The following NOX4 variants were observed in gnomAD, a reference collection of about 807,000 sequenced individuals.
NOX4 encodes the protein kidney oxidase-1.
NOX4 carries 69 observed loss-of-function variants against 87.6 expected under a neutral mutation model. The ratio of observed to expected loss-of-function variants is 0.79; its 90% CI spans 0.65 to 0.96. NOX4 has a LOEUF of 0.96. NOX4 is among the 40% of genes least tolerant of loss of function. The probability of loss-of-function intolerance (pLI) is 0.00; values close to 1 mark genes in which losing one functional copy is unlikely to be tolerated. For missense variants in NOX4, 680 were observed against 681.5 expected, an observed-to-expected ratio of 1.00 and a Z score of 0.02; for synonymous variants, 275 against 238.2, an observed-to-expected ratio of 1.15 and a Z score of -1.42.
the NOX4 span, among the ~76,000 whole-genome samples, chr11:89,562,059 G>C: frequency 6.6e-6 from 1 of 152,140 alleles, no homozygotes; most frequent in African/African-American, 2.4e-5. Context: ...AAGTGTTACT[G>C]AGATCAGAGT....
chr11:89,575,822 T>C, the NOX4 span, among the ~76,000 whole-genome samples: 2 of 152,202 alleles, frequency 1.3e-5, no homozygotes, highest in African/African-American at 2.4e-5. Context: ...TTAATAACTT[T>C]AAGCATTACA....
chr11:89,363,734 A>C (rs1413921689), intron 12 of NOX4, among the ~76,000 whole-genome samples: 4 of 152,266 alleles, frequency 2.6e-5, no homozygotes, highest in African/African-American at 9.6e-5. Flanking sequence ...CCAACTAGAA[A>C]GATATGGAGC....
the NOX4 span, among the ~76,000 whole-genome samples, chr11:89,568,103 T>G: frequency 6.6e-6 from 1 of 152,050 alleles, no homozygotes; most frequent in Non-Finnish European, 1.5e-5. Context: ...CACCACACCT[T>G]ATGGATAGAG....
At chr11:89,439,235 A>C (rs1944353463) in intron 6 of NOX4, among the ~76,000 whole-genome samples, 1 of 151,238 alleles carries the variant, frequency 6.6e-6, no homozygotes, top group Non-Finnish European at 1.5e-5. Context: ...CTCTTAAATG[A>C]ATTCACTGTA....
chr11:89,373,294 A>AAC, intron 12 of NOX4, 138 bp downstream of exon 12: 1 of 494,842 alleles, frequency 2.0e-6, no homozygotes, highest in Non-Finnish European at 3.6e-6. Flanking sequence ...AAAAAAAAAA[A>AAC]AAAACAAAAA....
chr11:89,544,394 A>G, the NOX4 span, among the ~76,000 whole-genome samples: 14 of 152,138 alleles, frequency 9.2e-5, no homozygotes, highest in Non-Finnish European at 1.9e-4. Context: ...CTGCTCCACA[A>G]TAGAATTAAA....
At chr11:89,349,236 G>A (rs192966374) in intron 13 of NOX4, among the ~76,000 whole-genome samples, 3 of 152,028 alleles carry the variant, frequency 2.0e-5, no homozygotes, top group South Asian at 2.1e-4. Flanking sequence ...GCAGTGAGCC[G>A]AAATTGCACC....
At chr11:89,394,396 G>A (rs1941334564) in intron 11 of NOX4, among the ~76,000 whole-genome samples, 1 of 151,894 alleles carries the variant, frequency 6.6e-6, no homozygotes, top group South Asian at 2.1e-4. Context: ...TTGACACTCA[G>A]CAACTGATTT....
the NOX4 span, among the ~76,000 whole-genome samples, chr11:89,579,327 G>A: frequency 8.5e-4 from 129 of 152,278 alleles, no homozygotes; most frequent in Admixed American, 1.9e-3. Context: ...TGGTGTGTCT[G>A]TGTATGTTCA....
intron 12 of NOX4, among the ~76,000 whole-genome samples, chr11:89,371,563 T>C (rs1939447258): frequency 6.6e-6 from 1 of 151,992 alleles, no homozygotes; most frequent in Non-Finnish European, 1.5e-5. Context: ...TTTCATTGCA[T>C]GTTTTCTTTC....
At chr11:89,564,777 T>C in the NOX4 span, among the ~76,000 whole-genome samples, 3 of 150,610 alleles carry the variant, frequency 2.0e-5, no homozygotes, top group Non-Finnish European at 4.4e-5. Context: ...TAGTTTCCCA[T>C]CCCAATGTGC....
the NOX4 span, among the ~76,000 whole-genome samples, chr11:89,545,934 C>A: frequency 2.0e-5 from 3 of 152,132 alleles, no homozygotes; most frequent in South Asian, 6.2e-4. Flanking sequence ...CATTGTATGA[C>A]TTATGGCACA....
At chr11:89,570,461 A>G in the NOX4 span, among the ~76,000 whole-genome samples, 1 of 152,212 alleles carries the variant, frequency 6.6e-6, no homozygotes, top group Non-Finnish European at 1.5e-5. Context: ...CAATTTACCC[A>G]TGTAACAAAC....
chr11:89,462,008 A>G (rs1339346264), intron 2 of NOX4, among the ~76,000 whole-genome samples: 2 of 152,134 alleles, frequency 1.3e-5, no homozygotes, highest in Non-Finnish European at 2.9e-5. Flanking sequence ...AAGAAGAAAA[A>G]AAAAAGGAAG....
the NOX4 span, among the ~76,000 whole-genome samples, chr11:89,506,798 A>C: frequency 6.6e-6 from 1 of 151,922 alleles, no homozygotes; most frequent in Non-Finnish European, 1.5e-5. Flanking sequence ...TATGGATTGC[A>C]AATAAGCATA....
chr11:89,327,287 T>C (rs1301740552), intron 17 of NOX4, among the ~76,000 whole-genome samples: 1 of 152,172 alleles, frequency 6.6e-6, no homozygotes, highest in Admixed American at 6.6e-5. Flanking sequence ...ATTCTTCTTT[T>C]ATTAGACACT....
At chr11:89,571,297 CT>C in the NOX4 span, among the ~76,000 whole-genome samples, 1 of 137,242 alleles carries the variant, frequency 7.3e-6, no homozygotes. Context: ...ATTTTTTCTT[CT>C]CTGATTTATA....
intron 6 of NOX4, among the ~76,000 whole-genome samples, chr11:89,439,691 T>G (rs1022062142): frequency 6.6e-6 from 1 of 152,192 alleles, no homozygotes; most frequent in African/African-American, 2.4e-5. Flanking sequence ...TGCATCTTTA[T>G]TCTTTCATCT....
At chr11:89,552,587 C>T in the NOX4 span, among the ~76,000 whole-genome samples, 1 of 152,156 alleles carries the variant, frequency 6.6e-6, no homozygotes. Context: ...TCCTCAGTTA[C>T]ATTTATTTAT....
Sources: gnomAD v4.1 joint callset for allele counts (sites outside exome capture counted in the v4.1 genomes callset) on GRCh38, gnomAD v4.1.1 for gene constraint, MANE v1.5 for transcripts, NCBI Gene and HGNC (gene_info 2026-07-23, HGNC 2026-07-21) for gene names.